MEIOC: variants seen among roughly 807,000 people sequenced by gnomAD.
MEIOC encodes meiosis specific with coiled-coil domain.
Under a neutral mutation model 85.3 loss-of-function variants are expected in MEIOC, and 9 were observed. The ratio of observed to expected loss-of-function variants is 0.11; its 90% CI spans 0.06 to 0.18. MEIOC has a LOEUF of 0.18. Ranked by LOEUF, MEIOC falls within the 10% of genes least tolerant of loss-of-function variation. The pLI, the probability that MEIOC is intolerant of heterozygous loss-of-function variation, is 1.00. For missense variants in MEIOC, 898 were observed against 1,129.4 expected, an observed-to-expected ratio of 0.80 and a Z score of 2.94; for synonymous variants, 365 against 393.7, an observed-to-expected ratio of 0.93 and a Z score of 0.86.
chr17:44,666,359 A>ATATT lies in MEIOC; in HGVS notation c.465-11_465-8dup. 12 of 1,508,160 alleles carry ATATT rather than the reference A, an allele frequency of 8.0e-6. No individual in the cohort carries two copies. Among genetic ancestry groups the ATATT allele is most frequent in the Non-Finnish European group, 1.1e-5 (12 of 1,128,552 alleles). The allele number at this position is 1,508,160 out of a possible 1,614,324, so 93.4% of individuals were successfully genotyped here. ...TTTAAAACCTAAGTTGTAATTAAAT[A>ATATT]TATTTATTTGTTCTAGGACCTGCTC... is the stretch of plus-strand genomic sequence containing the variant. On this transcript the variant is annotated splice_polypyrimidine_tract_variant and intron_variant, in intron 4 of 7. Coordinates refer to ENST00000409122, the MANE Select transcript of MEIOC (RefSeq NM_001145080.3).
intron 3 of MEIOC, among the ~76,000 whole-genome samples, chr17:44,663,741 T>A (rs1161314150): frequency 6.6e-6 from 1 of 152,158 alleles, no homozygotes; most frequent in Non-Finnish European, 1.5e-5. Flanking sequence ...AGATATATAC[T>A]AATACATAAT....
At position 44,675,668 on chromosome 17, in the gene MEIOC, T is replaced by A; in HGVS notation, c.*1472T>A. The A allele has an allele frequency of 1.0e-6, 1 of 985,268 alleles. No individual in the cohort carries two copies. Among genetic ancestry groups the A allele is most frequent in the Admixed American group, 6.1e-5 (1 of 16,276 alleles). The allele number at this position is 985,268 out of a possible 1,614,324, so 61.0% of individuals were successfully genotyped here. On this transcript the variant is annotated 3_prime_UTR_variant, in exon 8 of 8. Coordinates refer to ENST00000409122, the MANE Select transcript of MEIOC (RefSeq NM_001145080.3). ...ATGAATTACATTGAGGGTAGTCAAA[T>A]AAAATAGATCATCTCACCACAGTCA... is the stretch of plus-strand genomic sequence containing the variant.
intron 6 of MEIOC, chr17:44,671,158 G>A (rs1469868426): frequency 6.6e-6 from 1 of 151,114 alleles, no homozygotes; most frequent in Non-Finnish European, 1.5e-5. Flanking sequence ...TTTATCCATG[G>A]TACATTCAGA....
At chr17:44,668,356 TAA>T in intron 5 of MEIOC, 123 bp downstream of exon 5, 1 of 939,456 alleles carries the variant, frequency 1.1e-6, no homozygotes, top group Non-Finnish European at 1.6e-6. Flanking sequence ...GTTGTTGTTT[TAA>T]AGAGACAGAG....
chr17:44,676,497 A>G (rs950751756), downstream of MEIOC, among the ~76,000 whole-genome samples: 2 of 152,166 alleles, frequency 1.3e-5, no homozygotes, highest in East Asian at 1.9e-4. Flanking sequence ...CTAAAACTCA[A>G]TCTTACCATA....
At chr17:44,659,948 AAT>A (rs1263114296) in intron 2 of MEIOC, among the ~76,000 whole-genome samples, 1 of 152,216 alleles carries the variant, frequency 6.6e-6, no homozygotes, top group African/African-American at 2.4e-5. Flanking sequence ...GAATAGTCAT[AAT>A]ATAAACTATA....
rs1404742362 is a variant in MEIOC, at chr17:44,656,671, G to A, written c.58G>A (p.Glu20Lys). 32 of 1,492,654 alleles carry A rather than the reference G, an allele frequency of 2.1e-5. No individual in the cohort carries two copies. The East Asian group carries it at 8.9e-4, about 41-fold the overall frequency. 92.5% of individuals were successfully genotyped at this position (1,492,654 alleles called of 1,614,324 possible). A position where few individuals can be genotyped will look rare whatever the true frequency, so the allele number is the denominator to read the frequency against. Reference protein sequence around the residue: ...PRPHPSGLREEGLEPKVAFPG... With the variant: ...PRPHPSGLREKGLEPKVAFPG... ...CCCTCACCCCTCAGGCCTGAGGGAG[G>A]AAGGACTTGAGGTAATGGATGAGGA... Residue 20 changes from glutamate (E) to lysine (K), a missense_variant, in exon 1 of 8, where the codon GAA becomes AAA. Glu to Lys is a moderately conservative substitution (Grantham distance 56). Around this residue, in one of 2 missense-constraint regions of MEIOC, gnomAD observed 734 missense variants for 860.1 expected, o/e 0.85. Coordinates refer to ENST00000409122, the MANE Select transcript of MEIOC (RefSeq NM_001145080.3).
At chr17:44,660,053 A>G (rs1461585856) in intron 2 of MEIOC, among the ~76,000 whole-genome samples, 2 of 152,140 alleles carry the variant, frequency 1.3e-5, no homozygotes, top group Non-Finnish European at 2.9e-5. Flanking sequence ...TTGAAGATGG[A>G]TGATTGGAAG....
chr17:44,676,719 G>T (rs1469288578), downstream of MEIOC, among the ~76,000 whole-genome samples: 1 of 152,152 alleles, frequency 6.6e-6, no homozygotes, highest in African/African-American at 2.4e-5. Flanking sequence ...CTACTTGGGA[G>T]GGGGAGGCAG....
Position 44,675,110 on chromosome 17 carries a change from T to G in MEIOC, c.*914T>G. ...AAGGTTAATCTCTAACTAGTTTAGC[T>G]TGCAATTGGTTAGTGTATATTTTGT... On this transcript the variant is annotated 3_prime_UTR_variant, in exon 8 of 8. Transcript: ENST00000409122. The G allele has an allele frequency of 3.0e-6, 3 of 985,002 alleles. No individual in the cohort carries two copies. The highest frequency in any genetic ancestry group is 3.6e-6 in the Non-Finnish European group (3 of 829,542). The allele number at this position is 985,002 out of a possible 1,614,324, so 61.0% of individuals were successfully genotyped here. A position where few individuals can be genotyped will look rare whatever the true frequency, so the allele number is the denominator to read the frequency against.
chr17:44,674,851 A>C lies in MEIOC; in HGVS notation c.*655A>C. 1 of 981,956 alleles carries C rather than the reference A, an allele frequency of 1.0e-6. No individual in the cohort carries two copies. Among genetic ancestry groups the C allele is most frequent in the Non-Finnish European group, 1.2e-6 (1 of 826,720 alleles). The allele number at this position is 981,956 out of a possible 1,614,324, so 60.8% of individuals were successfully genotyped here. A position where few individuals can be genotyped will look rare whatever the true frequency, so the allele number is the denominator to read the frequency against. ...TGTCAGTGTAAAAACCATGCAAGTT[A>C]CTGAATATAAAACCTATTCAGATCA... is the stretch of plus-strand genomic sequence containing the variant. On this transcript the variant is annotated 3_prime_UTR_variant, in exon 8 of 8. Transcript: ENST00000409122.
Position 44,674,999 on chromosome 17 carries a change from T to C in MEIOC, c.*803T>C. ...TGGATCTTTTAGACTTGATGCACAG[T>C]AACTGAAATAATGACTACTGTTTTA... On this transcript the variant is annotated 3_prime_UTR_variant, in exon 8 of 8. Coordinates refer to ENST00000409122, the MANE Select transcript of MEIOC (RefSeq NM_001145080.3). 1 of 984,012 alleles carries C rather than the reference T, an allele frequency of 1.0e-6. No individual in the cohort carries two copies. The highest frequency in any genetic ancestry group is 1.2e-6 in the Non-Finnish European group (1 of 828,596). 61.0% of individuals were successfully genotyped at this position (984,012 alleles called of 1,614,324 possible).
At chr17:44,661,555 T>C (rs1217611026) in intron 2 of MEIOC, among the ~76,000 whole-genome samples, 1 of 152,054 alleles carries the variant, frequency 6.6e-6, no homozygotes, top group Non-Finnish European at 1.5e-5. Context: ...GACTGAAATT[T>C]ATTTATTTAT....
Position 44,673,555 on chromosome 17 carries a change from A to T in MEIOC, c.2638+9A>T. 1 of 1,531,690 alleles carries T rather than the reference A, an allele frequency of 6.5e-7. No individual in the cohort carries two copies. The highest frequency in any genetic ancestry group is 8.8e-7 in the Non-Finnish European group (1 of 1,137,178). The allele number at this position is 1,531,690 out of a possible 1,614,324, so 94.9% of individuals were successfully genotyped here. On this transcript the variant is annotated intron_variant, in intron 7 of 7. Transcript: ENST00000409122. ...ATGCCAAGATGACAGAGGTACAAAT[A>T]TTAATGCATATTCTTGTGATAAGTC...
intron 2 of MEIOC, among the ~76,000 whole-genome samples, chr17:44,658,077 T>G (rs915778932): frequency 2.7e-5 from 4 of 148,486 alleles, no homozygotes; most frequent in Non-Finnish European, 5.9e-5. Flanking sequence ...GTCTCGAACT[T>G]CTGGGCTCCA....
At chr17:44,658,178 G>A (rs1403770318) in intron 2 of MEIOC, among the ~76,000 whole-genome samples, 3 of 141,226 alleles carry the variant, frequency 2.1e-5, no homozygotes, top group Non-Finnish European at 3.0e-5. Context: ...TTTTTGAGAC[G>A]GAGTCTTGCT....
chr17:44,670,262 C>CAAAAAAAAA, intron 6 of MEIOC: 1 of 106,532 alleles, frequency 9.4e-6, no homozygotes, highest in Non-Finnish European at 1.8e-5. Context: ...GATCTTGTCT[C>CAAAAAAAAA]AAAAAAAAAA....
At chr17:44,665,258 CTTCT>C in intron 3 of MEIOC, 122 bp from the exon 4 acceptor site, 3 of 881,882 alleles carry the variant, frequency 3.4e-6, no homozygotes, top group Non-Finnish European at 4.6e-6. Flanking sequence ...GTTCTAGTCT[CTTCT>C]TTATTTGAAA....
chr17:44,657,230 C>T lies in MEIOC; in HGVS notation c.173C>T (p.Ser58Phe). 1 of 1,552,078 alleles carries T rather than the reference C, an allele frequency of 6.4e-7. No individual in the cohort carries two copies. The highest frequency in any genetic ancestry group is 1.7e-4 in the Middle Eastern group (1 of 5,994). The change falls in exon 2 of 8, where the codon TCC (serine) becomes TTC (phenylalanine). Residue 58 changes from serine (S) to phenylalanine (F), a missense_variant. By Grantham distance (155) the Ser-to-Phe change is radical. Coordinates refer to ENST00000409122, the MANE Select transcript of MEIOC (RefSeq NM_001145080.3). The part of the protein sequence containing the change: ...DVFGSVMLTG[S>F]ASFYDCYTSQ... ...TTCGGCAGCGTGATGTTGACTGGCTCCGCTTCCTTCTACGATTGCTACACA... is the reference window on the plus strand; with the variant it reads ...TTCGGCAGCGTGATGTTGACTGGCTTCGCTTCCTTCTACGATTGCTACACA...
Sources: allele counts gnomAD v4.1 joint callset (sites outside exome capture counted in the v4.1 genomes callset), GRCh38; gene constraint gnomAD v4.1.1; regional missense constraint gnomAD v4.1.1; transcripts MANE v1.5; gene names NCBI Gene and HGNC (gene_info 2026-07-23, HGNC 2026-07-21).